The following CC2D2A variants were observed in gnomAD, a reference collection of about 807,000 sequenced individuals.
CC2D2A encodes coiled-coil and C2 domain-containing protein 2A.
CC2D2A carries 155 observed loss-of-function variants against 212.9 expected under a neutral mutation model. That is an observed-to-expected ratio of 0.73 (90% CI 0.64 to 0.83). The LOEUF is 0.83. Ranked by LOEUF, CC2D2A falls within the 40% of genes least tolerant of loss-of-function variation. The pLI, the probability that CC2D2A is intolerant of heterozygous loss-of-function variation, is 0.00. For synonymous variants in CC2D2A, 667 were observed against 686.5 expected (o/e 0.97, Z 0.44); for missense variants, 1,856 against 1,956.2 (o/e 0.95, Z 0.97).
At position 15,567,442 on chromosome 4, in the gene CC2D2A, C is replaced by T. The variant is rs371909386; in HGVS notation, c.3248C>T (p.Thr1083Met). 36 of 1,613,590 alleles carry T rather than the reference C, an allele frequency of 2.2e-5. 2 individuals are homozygous for T. Among genetic ancestry groups the T allele is most frequent in the South Asian group, 2.2e-4 (20 of 91,004 alleles). Reference sequence around the variant, plus strand: ...GAAAAGCATGCTGCTTCCCCAAGCACGTACAGCCCAACCCACAATGCTGAC... The same window carrying T: ...GAAAAGCATGCTGCTTCCCCAAGCATGTACAGCCCAACCCACAATGCTGAC... ...FSEKHAASPS[T>M]YSPTHNADYP... Residue 1083 changes from threonine to methionine, a missense_variant, in exon 25 of 37, where the codon ACG becomes ATG. This residue lies in a region of CC2D2A where 1,512 missense variants were observed against 1,579.3 expected (regional missense o/e 0.96). Coordinates refer to ENST00000424120, the MANE Select transcript of CC2D2A (RefSeq NM_001378615.1).
At chr4:15,505,134 A>G (rs761331284) in intron 6 of CC2D2A, among the ~76,000 whole-genome samples, 7 of 152,214 alleles carry the variant, frequency 4.6e-5, no homozygotes, top group Non-Finnish European at 1.0e-4. Context: ...CTCTGTATTT[A>G]AGTATTAATG....
chr4:15,470,687 C>CTA (rs1713720990), intron 1 of CC2D2A, among the ~76,000 whole-genome samples: 1 of 32,392 alleles, frequency 3.1e-5, no homozygotes, highest in Non-Finnish European at 6.2e-5. Context: ...CTCTCTCTCT[C>CTA]TCTATATATA....
chr4:15,511,708 C>T (rs552574607), intron 8 of CC2D2A: 5 of 204,550 alleles, frequency 2.4e-5, no homozygotes, highest in South Asian at 1.5e-4. Flanking sequence ...CTAGACTCCA[C>T]GTAATGATTA....
chr4:15,482,328 T>C, intron 4 of CC2D2A: 1 of 976,022 alleles, frequency 1.0e-6, no homozygotes, highest in Non-Finnish European at 1.2e-6. Flanking sequence ...GATTACAACT[T>C]GTCATTTCAG....
At chr4:15,593,949 A>G (rs539976897) in intron 33 of CC2D2A, among the ~76,000 whole-genome samples, 1 of 152,168 alleles carries the variant, frequency 6.6e-6, no homozygotes, top group Admixed American at 6.5e-5. Context: ...TACTCCAGTG[A>G]CTTCCTATCT....
chr4:15,507,490 G>A (rs889233625), intron 6 of CC2D2A, among the ~76,000 whole-genome samples: 1 of 152,116 alleles, frequency 6.6e-6, no homozygotes, highest in African/African-American at 2.4e-5. Context: ...AAGGCTTGCG[G>A]AGGCCCACTC....
intron 11 of CC2D2A, among the ~76,000 whole-genome samples, chr4:15,523,481 A>G (rs1717327835): frequency 6.6e-6 from 1 of 152,164 alleles, no homozygotes; most frequent in Admixed American, 6.5e-5. Context: ...CTTTCCCATC[A>G]TTGTTCTCAC....
intron 2 of CC2D2A, among the ~76,000 whole-genome samples, 185 bp from the exon 3 acceptor site, chr4:15,478,538 G>A (rs946052856): frequency 1.3e-5 from 2 of 152,160 alleles, no homozygotes; most frequent in Admixed American, 6.5e-5. Context: ...ACGACTTTTC[G>A]AAAACATGTC....
intron 11 of CC2D2A, among the ~76,000 whole-genome samples, chr4:15,520,599 A>T (rs1717146096): frequency 6.6e-6 from 1 of 152,236 alleles, no homozygotes; most frequent in South Asian, 2.1e-4. Flanking sequence ...AAACTAATTT[A>T]GAAATACACT....
chr4:15,545,122 A>G (rs1262643701), intron 17 of CC2D2A, among the ~76,000 whole-genome samples: 1 of 152,198 alleles, frequency 6.6e-6, no homozygotes, highest in Non-Finnish European at 1.5e-5. Flanking sequence ...TCAAGTCTCT[A>G]GTCATAGTAA....
intron 12 of CC2D2A, among the ~76,000 whole-genome samples, chr4:15,528,123 C>T (rs752974457): frequency 6.6e-6 from 1 of 152,158 alleles, no homozygotes; most frequent in Non-Finnish European, 1.5e-5. Context: ...TGACACTATC[C>T]CATGGGATTT....
At chr4:15,508,399 G>A (rs564911006) in intron 6 of CC2D2A, among the ~76,000 whole-genome samples, 6 of 152,114 alleles carry the variant, frequency 3.9e-5, no homozygotes, top group East Asian at 1.9e-4. Context: ...ATGTTTAGTC[G>A]TATCATATGA....
intron 20 of CC2D2A, among the ~76,000 whole-genome samples, chr4:15,556,808 C>G (rs1354220308): frequency 6.6e-6 from 1 of 152,196 alleles, no homozygotes; most frequent in Non-Finnish European, 1.5e-5. Flanking sequence ...CTCTGGCTAA[C>G]TTTTCTCAGT....
chr4:15,494,618 G>C (rs1440697299), intron 4 of CC2D2A, among the ~76,000 whole-genome samples: 5 of 152,194 alleles, frequency 3.3e-5, no homozygotes, highest in African/African-American at 4.8e-5. Flanking sequence ...TTAAACTCTA[G>C]TTACAGCCAC....
chr4:15,519,767 T>C, intron 11 of CC2D2A: 1 of 387,548 alleles, frequency 2.6e-6, no homozygotes, highest in South Asian at 2.0e-5. Flanking sequence ...TCATTCACCA[T>C]CATAAGAACG....
At chr4:15,492,647 G>A in intron 4 of CC2D2A, 2 of 557,290 alleles carry the variant, frequency 3.6e-6, no homozygotes, top group South Asian at 3.3e-5. Context: ...GGGACTAAGG[G>A]CGGCAGGGAC....
chr4:15,594,933 T>C (rs566243579), intron 33 of CC2D2A, among the ~76,000 whole-genome samples: 5 of 151,586 alleles, frequency 3.3e-5, no homozygotes, highest in Admixed American at 6.6e-5. Flanking sequence ...CTCAAGCATC[T>C]AGGACTATAG....
intron 2 of CC2D2A, among the ~76,000 whole-genome samples, chr4:15,476,943 A>G (rs1244795469): frequency 6.6e-6 from 1 of 152,204 alleles, no homozygotes; most frequent in East Asian, 1.9e-4. Context: ...TGGAGATGAT[A>G]TGTGCTGTCC....
intron 21 of CC2D2A, among the ~76,000 whole-genome samples, chr4:15,558,735 A>C: frequency 6.6e-6 from 1 of 152,266 alleles, no homozygotes; most frequent in Non-Finnish European, 1.5e-5. Flanking sequence ...AGGCCTGAGC[A>C]GACAAAGCCA....
Sources: gnomAD v4.1 joint callset for allele counts (sites outside exome capture counted in the v4.1 genomes callset) on GRCh38, gnomAD v4.1.1 for gene constraint, gnomAD v4.1.1 regional missense constraint, MANE v1.5 for transcripts, NCBI Gene and HGNC (gene_info 2026-07-23, HGNC 2026-07-21) for gene names.